The following PTPRO variants were observed in gnomAD, a reference collection of about 807,000 sequenced individuals.
PTPRO encodes the protein receptor-type tyrosine-protein phosphatase O.
In PTPRO, 62 loss-of-function variants were observed where a neutral mutation model predicts 145.2. The ratio of observed to expected loss-of-function variants is 0.43; its 90% CI spans 0.35 to 0.53. PTPRO has a LOEUF of 0.53. Ranked by LOEUF, PTPRO falls within the 20% of genes least tolerant of loss-of-function variation. PTPRO has a pLI of 0.01. For missense variants in PTPRO, 1,345 were observed against 1,482.7 expected (o/e 0.91, Z 1.53); for synonymous variants, 565 against 514.7 (o/e 1.10, Z -1.32).
intron 1 of PTPRO, among the ~76,000 whole-genome samples, chr12:15,364,863 T>C (rs926707056): frequency 1.3e-5 from 2 of 152,190 alleles, no homozygotes; most frequent in African/African-American, 4.8e-5. Context: ...AGCATGCTTC[T>C]TGAAGAAATT....
chr12:15,422,826 A>T (rs190724435), intron 1 of PTPRO, among the ~76,000 whole-genome samples: 1 of 152,328 alleles, frequency 6.6e-6, no homozygotes, highest in East Asian at 1.9e-4. Context: ...AGCACAAAGC[A>T]CTGAGTACTT....
chr12:15,584,882 G>T (rs549512628), intron 23 of PTPRO, among the ~76,000 whole-genome samples: 2 of 152,232 alleles, frequency 1.3e-5, no homozygotes, highest in Non-Finnish European at 2.9e-5. Flanking sequence ...AACCAGAAGA[G>T]TTTTCTCCTT....
intron 2 of PTPRO, among the ~76,000 whole-genome samples, chr12:15,494,996 C>T (rs1942071769): frequency 6.6e-6 from 1 of 151,974 alleles, no homozygotes. Flanking sequence ...AAAAAAAGAA[C>T]TTGAAGCAGT....
rs1334436734 is a variant in PTPRO, at chr12:15,501,994, A to T, written c.1036A>T (p.Ile346Leu). The T allele has an allele frequency of 6.2e-7, 1 of 1,614,050 alleles. No individual in the cohort carries two copies. The change falls in exon 5 of 27, where the codon ATA becomes TTA. Residue 346 changes from isoleucine (I) to leucine (L), a missense_variant. Coordinates refer to ENST00000281171, the MANE Select transcript of PTPRO (RefSeq NM_030667.3). Reference protein sequence around the residue: ...GSFSFFPVQMILTWLPPKPPT... With the variant: ...GSFSFFPVQMLLTWLPPKPPT... ...TTTCTCCTTTTTCCCTGTGCAAATG[A>T]TATTGACCTGGTTACCACCCAAACC...
intron 14 of PTPRO, 110 bp from the exon 15 acceptor site, chr12:15,551,441 G>C: frequency 7.5e-7 from 1 of 1,324,710 alleles, no homozygotes; most frequent in Non-Finnish European, 1.1e-6. Flanking sequence ...TACTATTATT[G>C]GTATCATCGT....
intron 1 of PTPRO, among the ~76,000 whole-genome samples, chr12:15,455,916 T>G (rs1191420194): frequency 1.3e-5 from 2 of 152,184 alleles, no homozygotes; most frequent in Non-Finnish European, 2.9e-5. Context: ...GATGACAGGT[T>G]GATGGGTGCA....
Position 15,499,525 on chromosome 12 carries a change from G to A in PTPRO, c.592G>A (p.Ala198Thr). The stretch of plus-strand genomic sequence containing the variant: ...TATCACCTTTCAGCTGGTATCTGAG[G>A]CAACTTTTAATAAAAGTACCCTTGT... ...SNITFQLVSE[A>T]TFNKSTLVEY... The change falls in exon 4 of 27, where the codon GCA (alanine) becomes ACA (threonine). Residue 198 changes from alanine to threonine, a missense_variant. Ala to Thr is a moderately conservative substitution (Grantham distance 58, BLOSUM62 0). This residue lies in a region of PTPRO where 1,130 missense variants were observed against 1,214.7 expected (regional missense o/e 0.93). Coordinates refer to ENST00000281171, the MANE Select transcript of PTPRO (RefSeq NM_030667.3). 6.2e-7 allele frequency: 1 copy of A among 1,613,802 alleles called. No individual in the cohort carries two copies. Among genetic ancestry groups the A allele is most frequent in the East Asian group, 2.2e-5 (1 of 44,840 alleles).
rs184973877 is a variant in PTPRO, at chr12:15,415,620, T to C, written c.76-68354T>C. 1.1e-3 allele frequency among the ~76,000 whole-genome samples: 171 copies of C among 151,714 alleles called. 5 individuals carry two copies. The highest frequency in any genetic ancestry group is 3.9e-3 in the Admixed American group (60 of 15,274). On this transcript the variant is annotated intron_variant, in intron 1 of 26. Transcript: ENST00000281171. ...CAGGATGGTCTCGATCTCCCGACCT[T>C]GTGATCCGCCCACCCTGGCCTCCCA...
intron 24 of PTPRO, among the ~76,000 whole-genome samples, chr12:15,587,793 C>T (rs1046712221): frequency 6.6e-6 from 1 of 152,214 alleles, no homozygotes; most frequent in Admixed American, 6.5e-5. Flanking sequence ...AAACGTGCTC[C>T]AATGGCAAGT....
intron 1 of PTPRO, among the ~76,000 whole-genome samples, chr12:15,403,739 G>GTACT (rs1232734341): frequency 6.6e-6 from 1 of 151,792 alleles, no homozygotes; most frequent in Non-Finnish European, 1.5e-5. Flanking sequence ...TTCCTTCATG[G>GTACT]TACTTAGCTC....
intron 7 of PTPRO, among the ~76,000 whole-genome samples, chr12:15,514,106 G>T (rs531569397): frequency 1.3e-5 from 2 of 151,982 alleles, no homozygotes; most frequent in Non-Finnish European, 2.9e-5. Context: ...TCATCTATAC[G>T]TTCTCACTAT....
At chr12:15,538,474 G>C (rs187393231) in intron 12 of PTPRO, among the ~76,000 whole-genome samples, 1 of 152,140 alleles carries the variant, frequency 6.6e-6, no homozygotes, top group African/African-American at 2.4e-5. Context: ...CTGCCCGCAA[G>C]TGCCTCCCAT....
At position 15,597,588 on chromosome 12, in the gene PTPRO, A is replaced by C. The variant is rs914497333; in HGVS notation, c.*1515A>C. On this transcript the variant is annotated 3_prime_UTR_variant, in exon 27 of 27. Coordinates refer to ENST00000281171, the MANE Select transcript of PTPRO (RefSeq NM_030667.3). ...TGCCAAATGAACAGCTCTGCACCCCACCGTCTCTTGTCACTGAAAAGGCTT... is the reference window on the plus strand; with the variant it reads ...TGCCAAATGAACAGCTCTGCACCCCCCCGTCTCTTGTCACTGAAAAGGCTT... 2.6e-5 allele frequency among the ~76,000 whole-genome samples: 4 copies of C among 152,216 alleles called. No individual in the cohort carries two copies. Among genetic ancestry groups the C allele is most frequent in the Non-Finnish European group, 5.9e-5 (4 of 68,000 alleles).
At chr12:15,425,497 A>G (rs983159912) in intron 1 of PTPRO, among the ~76,000 whole-genome samples, 1 of 152,116 alleles carries the variant, frequency 6.6e-6, no homozygotes, top group African/African-American at 2.4e-5. Context: ...CCTTTATGAT[A>G]CCTGTATTTT....
intron 2 of PTPRO, among the ~76,000 whole-genome samples, chr12:15,491,149 CCTCAGTCCAGT>C (rs1442347216): frequency 3.3e-5 from 5 of 152,144 alleles, no homozygotes; most frequent in African/African-American, 1.2e-4. Context: ...GCAGCTCTGG[CCTCAGTCCAGT>C]CTCTTTTCCC....
Position 15,471,900 on chromosome 12 carries a change from G to A in PTPRO, c.76-12074G>A, listed in dbSNP as rs916491808. On this transcript the variant is annotated intron_variant, in intron 1 of 26. Transcript: ENST00000281171. ...AGCCAGGTGTCAGAAGGAACCTGGC[G>A]AGTGTAGCCCCGGGACTCTGATTTT... 4.6e-5 allele frequency among the ~76,000 whole-genome samples: 7 copies of A among 152,154 alleles called. No individual in the cohort carries two copies. In the South Asian group the frequency reaches 6.2e-4, roughly 14 times the overall value.
intron 1 of PTPRO, among the ~76,000 whole-genome samples, chr12:15,421,011 A>G (rs777868246): frequency 8.5e-5 from 13 of 152,234 alleles, no homozygotes; most frequent in Non-Finnish European, 1.2e-4. Flanking sequence ...AGTGGTATGC[A>G]TATACTGAAC....
At chr12:15,553,723 T>C (rs1943536804) in intron 15 of PTPRO, among the ~76,000 whole-genome samples, 1 of 152,172 alleles carries the variant, frequency 6.6e-6, no homozygotes, top group Non-Finnish European at 1.5e-5. Flanking sequence ...TTGACTTTTA[T>C]GTAGAAAACA....
intron 1 of PTPRO, among the ~76,000 whole-genome samples, chr12:15,334,734 A>C (rs1159437617): frequency 6.6e-6 from 1 of 152,044 alleles, no homozygotes; most frequent in Non-Finnish European, 1.5e-5. Context: ...AATTATTTAC[A>C]CTCTCACATA....
Sources: allele counts gnomAD v4.1 joint callset (sites outside exome capture counted in the v4.1 genomes callset), GRCh38; gene constraint gnomAD v4.1.1; regional missense constraint gnomAD v4.1.1; transcripts MANE v1.5; gene names NCBI Gene and HGNC (gene_info 2026-07-23, HGNC 2026-07-21).